Variants in ADCK5 observed in about 807,000 individuals in gnomAD.
ADCK5 encodes the protein uncharacterized aarF domain-containing protein kinase 5.
ADCK5 carries 43 observed loss-of-function variants against 64.9 expected under a neutral mutation model. The observed-to-expected ratio is 0.66, with a 90% CI of 0.52 to 0.85. The LOEUF is 0.85. Among genes scored for constraint, ADCK5 ranks in the 40% least tolerant of loss-of-function variants. The pLI, the probability that ADCK5 is intolerant of heterozygous loss-of-function variation, is 0.00. For synonymous variants in ADCK5, 434 were observed against 342.8 expected (o/e 1.27, Z -2.94); for missense variants, 760 against 810.5 (o/e 0.94, Z 0.76).
At chr8:144,389,136 G>A in intron 3 of ADCK5, 1 of 383,842 alleles carries the variant, frequency 2.6e-6, no homozygotes, top group Non-Finnish European at 5.4e-6. Context: ...CCTAACTGGG[G>A]CCAGGCCTGG....
In ADCK5 at chr8:144,393,068, G is replaced by T; in HGVS notation, c.1737G>T (p.Glu579Asp). 6.3e-7 allele frequency: 1 copy of T among 1,575,554 alleles called. No homozygotes were observed. Among genetic ancestry groups the T allele is most frequent in the Non-Finnish European group, 8.6e-7 (1 of 1,165,400 alleles). The stretch of plus-strand genomic sequence containing the variant: ...CGGAGGAGCTCTACCAGTACCTGGA[G>T]ACCTAGGGTGCAGCCGCCCAGGGCC... ...PPAEELYQYL[E>D]T Residue 579 changes from glutamate (E) to aspartate (D), a missense_variant, in exon 15 of 15, where the codon GAG becomes GAT. Transcript: ENST00000308860.
intron 1 of ADCK5, chr8:144,375,347 A>T (rs534694558): frequency 3.1e-6 from 2 of 642,566 alleles, no homozygotes; most frequent in Admixed American, 1.3e-4. Context: ...CCCTGCCCAG[A>T]CTCCCAATCT....
upstream of ADCK5, chr8:144,373,835 C>G (rs1315507147): frequency 8.2e-6 from 3 of 367,272 alleles, no homozygotes; most frequent in Non-Finnish European, 1.5e-5. Context: ...ATGCGCAGTG[C>G]GCCGAGGGCG....
chr8:144,392,418 T>TGCCCA, intron 12 of ADCK5, 27 bp from the exon 13 acceptor site: 4 of 799,238 alleles, frequency 5.0e-6, no homozygotes, highest in Non-Finnish European at 6.8e-6. Context: ...CAGAGCCCCC[T>TGCCCA]CCCTCCCTCC....
intron 1 of ADCK5, among the ~76,000 whole-genome samples, chr8:144,374,343 C>T (rs1554856718): frequency 6.6e-6 from 1 of 152,178 alleles, no homozygotes; most frequent in Non-Finnish European, 1.5e-5. Context: ...GTAGCTGACA[C>T]CGCAGGCGTG....
chr8:144,393,211 G>C lies in ADCK5; in HGVS notation c.*137G>C. ...GACAGCAGCTGGGCCAGGAGGCCGT[G>C]TAATGACCACACACTCCTCTCAAGC... On this transcript the variant is annotated 3_prime_UTR_variant, in exon 15 of 15. Transcript: ENST00000308860. The C allele has an allele frequency of 7.3e-7, 1 of 1,365,480 alleles. No individual in the cohort carries two copies. Among genetic ancestry groups the C allele is most frequent in the Non-Finnish European group, 9.8e-7 (1 of 1,019,638 alleles). The allele number at this position is 1,365,480 out of a possible 1,614,324, so 84.6% of individuals were successfully genotyped here.
chr8:144,391,495 C>T (rs782513833), intron 7 of ADCK5, 21 bp downstream of exon 7: 22 of 1,600,748 alleles, frequency 1.4e-5, no homozygotes, highest in Non-Finnish European at 1.6e-5. Flanking sequence ...ACCCCTTCCC[C>T]GGCCAGCAGG....
chr8:144,392,827 C>T lies in ADCK5; in HGVS notation c.1572C>T (p.Tyr524=), dbSNP rs782211748. ...CGGGCGCCACGTATCGGGGTGTCTA[C>T]GGCACCAGCCTCCTGCGCCACGCCA... ...RLAGATYRGV[Y]GTSLLRHAKV... is the part of the protein sequence containing the mutation. Residue 524 remains tyrosine, a synonymous_variant, in exon 14 of 15, where the codon TAC becomes TAT. Transcript: ENST00000308860. 1.9e-6 allele frequency: 3 copies of T among 1,592,180 alleles called. No individual in the cohort carries two copies. The highest frequency in any genetic ancestry group is 2.3e-5 in the East Asian group (1 of 44,330).
Position 144,392,023 on chromosome 8 carries a change from G to A in ADCK5, c.1096+1G>A, listed in dbSNP as rs1820264760. On this transcript the variant is annotated splice_donor_variant, in intron 10 of 14. Transcript: ENST00000308860. LOFTEE classifies it high-confidence loss of function. The stretch of plus-strand genomic sequence containing the variant: ...CACTCGGACCCACATCCTGGCAACG[G>A]TAGGAATTTACCCCAGGGGTGGGGG... 6.2e-7 allele frequency: 1 copy of A among 1,612,612 alleles called. No individual in the cohort carries two copies. The highest frequency in any genetic ancestry group is 1.3e-5 in the African/African-American group (1 of 74,916).
rs781787734 is a variant in ADCK5, at chr8:144,392,446, C to T, written c.1269C>T (p.Asp423=). ...CTCCCTCCCTCCCTCCCTCCCCAGA[C>T]TACCTCCTGTTCGCCGAGATGCTCA... ...RAHAAALGVQ[D]YLLFAEMLMQ... The change falls in exon 13 of 15, where the codon GAC becomes GAT. Residue 423 remains aspartate (D), a splice_region_variant and synonymous_variant. Coordinates refer to ENST00000308860, the MANE Select transcript of ADCK5 (RefSeq NM_174922.5). The T allele has an allele frequency of 6.8e-7, 1 of 1,470,038 alleles. No individual in the cohort carries two copies. Among genetic ancestry groups the T allele is most frequent in the South Asian group, 1.3e-5 (1 of 78,106 alleles). 91.1% of individuals were successfully genotyped at this position (1,470,038 alleles called of 1,614,324 possible). A position where few individuals can be genotyped will look rare whatever the true frequency, so the allele number is the denominator to read the frequency against.
At chr8:144,378,591 A>G (rs932940036) in intron 1 of ADCK5, among the ~76,000 whole-genome samples, 1 of 152,032 alleles carries the variant, frequency 6.6e-6, no homozygotes, top group Non-Finnish European at 1.5e-5. Flanking sequence ...TGAGTCAGTT[A>G]AACCCAGGCC....
Position 144,379,474 on chromosome 8 carries a change from A to G in ADCK5, c.100A>G (p.Arg34Gly). The part of the protein sequence containing the change: ...SPAVFFRRNV[R>G]GLPPRFSSPT... ...TGCTGTGTTCTTCAGGAGAAACGTC[A>G]GGGGCCTTCCTCCAAGGTAACGAGT... The change falls in exon 2 of 15, where the codon AGG becomes GGG. Residue 34 changes from arginine to glycine, a missense_variant. Physicochemically the swap from Arg to Gly is moderately radical, Grantham distance 125. This residue lies in a region of ADCK5 where 427 missense variants were observed against 518.4 expected (regional missense o/e 0.82). Coordinates refer to ENST00000308860, the MANE Select transcript of ADCK5 (RefSeq NM_174922.5). 1 of 1,604,594 alleles carries G rather than the reference A, an allele frequency of 6.2e-7. No individual in the cohort carries two copies. Among genetic ancestry groups the G allele is most frequent in the Non-Finnish European group, 8.5e-7 (1 of 1,174,374 alleles).
Position 144,392,663 on chromosome 8 carries a change from GC to G in ADCK5, c.1491del (p.Val498TrpfsTer57). ...GCGCGCTATCAACGTGGCCCTCGGCGCCCCCGTGGACCGCTACTTCCTTATG... is the reference window on the plus strand; with the variant it reads ...GCGCGCTATCAACGTGGCCCTCGGCGCCCCGTGGACCGCTACTTCCTTATG... ...TVRAINVALG[A>X]PVDRYFLMAK... On this transcript the variant is annotated frameshift_variant, in exon 13 of 15. Coordinates refer to ENST00000308860, the MANE Select transcript of ADCK5 (RefSeq NM_174922.5). LOFTEE classifies it high-confidence loss of function. 1.3e-6 allele frequency: 2 copies of G among 1,594,692 alleles called. No individual in the cohort carries two copies.
upstream of ADCK5, chr8:144,373,823 G>A (rs7845652): frequency 3.9e-3 from 1,406 of 364,744 alleles, 16 homozygotes; most frequent in African/African-American, 0.028. Context: ...CCTGCCCGGG[G>A]AATGCGCAGT....
Position 144,376,456 on chromosome 8 carries a change from G to A in ADCK5, c.12+2349G>A, listed in dbSNP as rs1444386311. ...GACCAGGGTAGGGTGATGGTGGCCC[G>A]GGGTCTACTGGAGGGATCTCTGTCC... On this transcript the variant is annotated intron_variant, in intron 1 of 14. Transcript: ENST00000308860. The surrounding 1 kb of genome is among the most constrained non-coding windows in gnomAD (Gnocchi z 5.1). Among the ~76,000 whole-genome samples, 1 of 152,184 alleles carries A rather than the reference G, an allele frequency of 6.6e-6. No homozygotes were observed. Among genetic ancestry groups the A allele is most frequent in the Non-Finnish European group, 1.5e-5 (1 of 68,028 alleles).
intron 2 of ADCK5, among the ~76,000 whole-genome samples, chr8:144,382,511 G>A (rs1199703475): frequency 6.7e-6 from 1 of 149,776 alleles, no homozygotes; most frequent in African/African-American, 2.6e-5. Flanking sequence ...GGCTCCTGCT[G>A]TATTCAGCAA....
In ADCK5 at chr8:144,376,995, T is replaced by G. The variant is rs1335648872; in HGVS notation, c.13-2392T>G. Reference sequence around the variant, plus strand: ...TTGGCTTTCATGTTGTTTGGAGTCCTCAAAATTTTCTCCAGGGCTCTGAGC... The same window carrying G: ...TTGGCTTTCATGTTGTTTGGAGTCCGCAAAATTTTCTCCAGGGCTCTGAGC... On this transcript the variant is annotated intron_variant, in intron 1 of 14. Transcript: ENST00000308860. The surrounding 1 kb of genome is among the most constrained non-coding windows in gnomAD (Gnocchi z 5.1). 6.6e-6 allele frequency among the ~76,000 whole-genome samples: 1 copy of G among 152,246 alleles called. No homozygotes were observed. Among genetic ancestry groups the G allele is most frequent in the African/African-American group, 2.4e-5 (1 of 41,466 alleles).
At chr8:144,375,413 T>G in intron 1 of ADCK5, 1 of 953,782 alleles carries the variant, frequency 1.0e-6, no homozygotes, top group South Asian at 4.9e-5. Context: ...CATGTTGAGG[T>G]GCACAGTGCT....
At chr8:144,383,697 G>T (rs1435198523) in intron 3 of ADCK5, among the ~76,000 whole-genome samples, 1 of 152,160 alleles carries the variant, frequency 6.6e-6, no homozygotes, top group Non-Finnish European at 1.5e-5. Context: ...TGCTGTCAGG[G>T]CCCTTTCTTC....
Sources: allele counts gnomAD v4.1 joint callset (sites outside exome capture counted in the v4.1 genomes callset), GRCh38; gene constraint gnomAD v4.1.1; regional missense constraint gnomAD v4.1.1; non-coding constraint Gnocchi (gnomAD v3.1); transcripts MANE v1.5; gene names NCBI Gene and HGNC (gene_info 2026-07-23, HGNC 2026-07-21).